The following PPP2R1B variants were observed in gnomAD, a reference collection of about 807,000 sequenced individuals.
The protein encoded by PPP2R1B is serine/threonine-protein phosphatase 2A 65 kDa regulatory subunit A beta isoform.
In PPP2R1B, 58 loss-of-function variants were observed where a neutral mutation model predicts 72.7. The observed-to-expected ratio is 0.80, with a 90% CI of 0.65 to 0.99. The LOEUF (loss-of-function observed/expected upper bound fraction) is 0.99, where lower values mean the gene tolerates loss of function less well. Among genes scored for constraint, PPP2R1B ranks in the 50% least tolerant of loss-of-function variants. The pLI is 0.00. For synonymous variants in PPP2R1B, 256 were observed against 264.6 expected (o/e 0.97, Z 0.32); for missense variants, 695 against 733.6 (o/e 0.95, Z 0.61).
the PPP2R1B span, among the ~76,000 whole-genome samples, chr11:111,692,302 G>A: frequency 7.7e-6 from 1 of 129,636 alleles, no homozygotes; most frequent in Admixed American, 9.3e-5. Flanking sequence ...AGTGAGCTGA[G>A]ATCCTGCCAC....
the PPP2R1B span, among the ~76,000 whole-genome samples, chr11:111,706,959 CAAAAAAAA>C: frequency 5.8e-5 from 3 of 52,082 alleles, no homozygotes; most frequent in Admixed American, 2.0e-4. Flanking sequence ...GACTCCGTCT[CAAAAAAAA>C]AAAAAAAAAA....
the PPP2R1B span, among the ~76,000 whole-genome samples, chr11:111,710,661 T>C: frequency 6.6e-6 from 1 of 152,222 alleles, no homozygotes; most frequent in African/African-American, 2.4e-5. Flanking sequence ...TGTTACTGAG[T>C]TAAGGACATT....
At chr11:111,736,038 GCC>G (rs1944331132), downstream of PPP2R1B, among the ~76,000 whole-genome samples, 1 of 152,176 alleles carries the variant, frequency 6.6e-6, no homozygotes, top group Non-Finnish European at 1.5e-5. Flanking sequence ...AGCCTCAGAG[GCC>G]TAGCACCACT....
At chr11:111,693,271 T>A in the PPP2R1B span, among the ~76,000 whole-genome samples, 2 of 151,722 alleles carry the variant, frequency 1.3e-5, no homozygotes, top group Non-Finnish European at 2.9e-5. Flanking sequence ...GAGTCAGAGG[T>A]TGCAGTGAGC....
At chr11:111,703,540 A>G in the PPP2R1B span, 2 of 818,288 alleles carry the variant, frequency 2.4e-6, no homozygotes, top group Non-Finnish European at 3.9e-6. Context: ...CGTACTGTTC[A>G]GTGTTCCCTA....
At chr11:111,737,672 G>A, downstream of PPP2R1B, 1 of 1,564,160 alleles carries the variant, frequency 6.4e-7, no homozygotes, top group South Asian at 1.2e-5. Flanking sequence ...TGTGCCAGCA[G>A]AGTTGGGTGT....
the PPP2R1B span, among the ~76,000 whole-genome samples, chr11:111,690,142 C>T: frequency 3.3e-5 from 5 of 151,906 alleles, no homozygotes; most frequent in Admixed American, 6.6e-5. Context: ...GCTTTTGGCC[C>T]TTCCATTTGG....
chr11:111,719,895 G>A, the PPP2R1B span: 9 of 1,614,160 alleles, frequency 5.6e-6, no homozygotes, highest in East Asian at 2.2e-5. Context: ...AGGAGAGGCC[G>A]AGGAAGACCC....
rs782060653 is a variant in PPP2R1B at position 111,753,486 on chromosome 11, A to G, written c.1121T>C (p.Ile374Thr). 5.2e-5 allele frequency: 84 copies of G among 1,613,936 alleles called. 1 individual carries two copies. In the South Asian group the frequency reaches 8.7e-4, roughly 17 times the overall value. ...LSTILGKENT[I>T]EHLLPLFLAQ... ...TAAGAAAAGAGGTAGAAGATGTTCA[A>G]TGGTATTTTCTTTGCCCAAAATAGT... The change falls in exon 9 of 15, where the codon ATT (isoleucine) becomes ACT (threonine). Residue 374 changes from isoleucine to threonine, a missense_variant. Coordinates refer to ENST00000527614, the MANE Select transcript of PPP2R1B (RefSeq NM_002716.5).
At chr11:111,757,128 ACCG>A (rs1945152218) in intron 5 of PPP2R1B, among the ~76,000 whole-genome samples, 1 of 151,452 alleles carries the variant, frequency 6.6e-6, no homozygotes, top group Non-Finnish European at 1.5e-5. Flanking sequence ...AAAAAAAAAC[ACCG>A]AAAAAAAAGA....
chr11:111,688,082 G>T, the PPP2R1B span: 5 of 1,614,018 alleles, frequency 3.1e-6, no homozygotes, highest in Non-Finnish European at 4.2e-6. This position sits in a 1 kb window ranked among gnomAD's most constrained non-coding sequence, Gnocchi z 4.2. Flanking sequence ...GTTGATTATT[G>T]TCATGGTCGG....
chr11:111,689,847 A>G, the PPP2R1B span, among the ~76,000 whole-genome samples: 4 of 152,070 alleles, frequency 2.6e-5, no homozygotes, highest in South Asian at 4.1e-4. Context: ...TTAAATGTCA[A>G]TATTACATAT....
the PPP2R1B span, among the ~76,000 whole-genome samples, chr11:111,709,959 C>T: frequency 6.6e-6 from 1 of 152,164 alleles, no homozygotes; most frequent in African/African-American, 2.4e-5. Flanking sequence ...AGCAGTGTGT[C>T]GTAGTTAGGG....
Position 111,742,636 on chromosome 11 carries a change from T to C in PPP2R1B, c.1584A>G (p.Ile528Met). 6.2e-7 allele frequency: 1 copy of C among 1,613,460 alleles called. No individual in the cohort carries two copies. Among genetic ancestry groups the C allele is most frequent in the Non-Finnish European group, 8.5e-7 (1 of 1,179,814 alleles). Residue 528 changes from isoleucine (I) to methionine (M), a missense_variant, in exon 13 of 15, where the codon ATA becomes ATG. By Grantham distance (10) the Ile-to-Met change is conservative. Transcript: ENST00000527614. ...CGATGGGCAGCATTTGCTTAGTAGTTATTTCCTGACCACAGGCCTCAGACA... is the reference window on the plus strand; with the variant it reads ...CGATGGGCAGCATTTGCTTAGTAGTCATTTCCTGACCACAGGCCTCAGACA... Reference protein sequence around the residue: ...NALSEACGQEITTKQMLPIVL... With the variant: ...NALSEACGQEMTTKQMLPIVL...
In PPP2R1B at chr11:111,752,264, C is replaced by G. The variant is rs1386768193; in HGVS notation, c.1233G>C (p.Gln411His). 2.5e-6 allele frequency: 4 copies of G among 1,613,946 alleles called. No individual in the cohort carries two copies. In the African/African-American group the frequency reaches 5.3e-5, roughly 22 times the overall value. ...TGGCAGGAAGGAGAGACTGAGAGAG[C>G]TGACGGATTCCAATCACTTCATTTA... ...DCVNEVIGIRQLSQSLLPAIV... is the reference protein window; with the variant it reads ...DCVNEVIGIRHLSQSLLPAIV... Residue 411 changes from glutamine to histidine, a missense_variant, in exon 10 of 15, where the codon CAG (glutamine) becomes CAC (histidine). Transcript: ENST00000527614.
the PPP2R1B span, chr11:111,712,248 C>T: frequency 2.1e-5 from 34 of 1,614,168 alleles, no homozygotes; most frequent in Middle Eastern, 5.0e-4. Context: ...ATGCATTCAC[C>T]GAACATGAGG....
At chr11:111,719,988 G>T in the PPP2R1B span, 4 of 1,613,758 alleles carry the variant, frequency 2.5e-6, no homozygotes, top group Non-Finnish European at 3.4e-6. Context: ...TCAACTGGTC[G>T]TGATGCCTGG....
chr11:111,750,166 T>A (rs1555047455), intron 10 of PPP2R1B, among the ~76,000 whole-genome samples: 1 of 152,008 alleles, frequency 6.6e-6, no homozygotes, highest in African/African-American at 2.4e-5. Context: ...GCCACAGACA[T>A]CCACAAATTG....
At chr11:111,764,369 AC>A (rs1555052316) in intron 3 of PPP2R1B, among the ~76,000 whole-genome samples, 1 of 152,076 alleles carries the variant, frequency 6.6e-6, no homozygotes, top group Non-Finnish European at 1.5e-5. Context: ...TTCAACATTA[AC>A]ATTGTAAACT....
Sources: allele counts gnomAD v4.1 joint callset (sites outside exome capture counted in the v4.1 genomes callset), GRCh38; gene constraint gnomAD v4.1.1; non-coding constraint Gnocchi (gnomAD v3.1); transcripts MANE v1.5; gene names NCBI Gene and HGNC (gene_info 2026-07-23, HGNC 2026-07-21).